Variants in ERN1 observed in about 807,000 individuals in gnomAD.
ERN1 encodes the protein serine/threonine-protein kinase/endoribonuclease IRE1.
A neutral mutation model predicts 113.1 loss-of-function variants in ERN1; 39 were observed. The ratio of observed to expected loss-of-function variants is 0.34; its 90% CI spans 0.27 to 0.45. The LOEUF is 0.45. Among genes scored for constraint, ERN1 ranks in the 20% least tolerant of loss-of-function variants. The probability of loss-of-function intolerance (pLI) is 1.00; values close to 1 mark genes in which losing one functional copy is unlikely to be tolerated. For missense variants in ERN1, 976 were observed against 1,274.8 expected, an observed-to-expected ratio of 0.77 and a Z score of 3.57; for synonymous variants, 507 against 515.9, an observed-to-expected ratio of 0.98 and a Z score of 0.23.
At position 64,073,334 on chromosome 17, in the gene ERN1, A is replaced by ATTTT. The variant is rs775654259; in HGVS notation, c.356-1232_356-1231insAAAA. On this transcript the variant is annotated intron_variant, in intron 5 of 21. Transcript: ENST00000433197. ...CAGGTGCGTGCCACCACACCCAGCA[A>ATTTT]ATTTTTTTTTTTTTTTTTTTTTAGT... Among the ~76,000 whole-genome samples the ATTTT allele has an allele frequency of 1.9e-4, 26 of 134,432 alleles. 3 individuals carry two copies. Among genetic ancestry groups the ATTTT allele is most frequent in the South Asian group, 7.1e-4 (3 of 4,216 alleles). The allele number at this position is 134,432 out of a possible 152,430, so 88.2% of individuals were successfully genotyped here.
In ERN1 at chr17:64,054,811, C is replaced by A. The variant is rs1912804230; in HGVS notation, c.1690G>T (p.Val564Leu). 6.2e-7 allele frequency: 1 copy of A among 1,608,454 alleles called. No individual in the cohort carries two copies. The highest frequency in any genetic ancestry group is 1.3e-5 in the African/African-American group (1 of 74,828). ...CAGAAGGAAATTTTCCCAACTATCA[C>A]CACGCTGGTTTCCTCATCTGGGACA... Reference protein sequence around the residue: ...QDDGDEETSVVIVGKISFCPK... With the variant: ...QDDGDEETSVLIVGKISFCPK... The change falls in exon 14 of 22, where the codon GTG (valine) becomes TTG (leucine). Residue 564 changes from valine to leucine, a missense_variant. By Grantham distance (32) the Val-to-Leu change is conservative. Coordinates refer to ENST00000433197, the MANE Select transcript of ERN1 (RefSeq NM_001433.5). This position sits in a 1 kb window ranked among gnomAD's most constrained non-coding sequence, Gnocchi z 4.9.
chr17:64,056,667 T>C (rs1285749964), intron 12 of ERN1, among the ~76,000 whole-genome samples: 1 of 152,220 alleles, frequency 6.6e-6, no homozygotes, highest in African/African-American at 2.4e-5. Context: ...TGAAGGGACT[T>C]CTGTGAGCCA....
In ERN1 at chr17:64,044,819, T is replaced by C. The variant is rs374579165; in HGVS notation, c.2721+41A>G. On this transcript the variant is annotated intron_variant, in intron 21 of 21. Coordinates refer to ENST00000433197, the MANE Select transcript of ERN1 (RefSeq NM_001433.5). The surrounding 1 kb of genome is among the most constrained non-coding windows in gnomAD (Gnocchi z 4.1). ...TGAAAGGAGGAAGGTGTCCATGTCA[T>C]GGCCACTGGGTCTCCTCCCCAGCAT... The C allele has an allele frequency of 8.5e-6, 11 of 1,296,296 alleles. No individual in the cohort carries two copies. In the African/African-American group the frequency reaches 1.3e-4, roughly 16 times the overall value. 80.3% of individuals were successfully genotyped at this position (1,296,296 alleles called of 1,614,324 possible). A position where few individuals can be genotyped will look rare whatever the true frequency, so the allele number is the denominator to read the frequency against.
intron 10 of ERN1, among the ~76,000 whole-genome samples, chr17:64,062,100 T>G (rs1390819161): frequency 6.6e-6 from 1 of 152,268 alleles, no homozygotes; most frequent in Admixed American, 6.5e-5. Flanking sequence ...CTCCTTGATG[T>G]ATTCATCTAT....
rs772404082 is a variant in ERN1 at position 64,068,227 on chromosome 17, G to A, written c.543C>T (p.Asp181=). Residue 181 remains aspartate, a synonymous_variant, in exon 7 of 22, where the codon GAC becomes GAT. Transcript: ENST00000433197. ...CGTCCTCAGGCAGTGAGGCCGCATA[G>A]TCAAAGTAGGTGGCATTCCACCGGA... ...RELRWNATYF[D]YAASLPEDDV... 5 of 1,612,400 alleles carry A rather than the reference G, an allele frequency of 3.1e-6. No homozygotes were observed. Among genetic ancestry groups the A allele is most frequent in the South Asian group, 1.1e-5 (1 of 90,614 alleles).
At chr17:64,107,967 T>C (rs1397703009) in intron 1 of ERN1, among the ~76,000 whole-genome samples, 1 of 152,180 alleles carries the variant, frequency 6.6e-6, no homozygotes, top group East Asian at 1.9e-4. Context: ...TTTCCTGATA[T>C]TAAGTCAATA....
At chr17:64,060,384 G>T in intron 11 of ERN1, 85 bp downstream of exon 11, 1 of 851,604 alleles carries the variant, frequency 1.2e-6, no homozygotes. Context: ...TAGGCTGCAA[G>T]CTCAGAAGGC....
intron 1 of ERN1, among the ~76,000 whole-genome samples, chr17:64,109,777 G>A (rs376132300): frequency 1.3e-5 from 2 of 152,326 alleles, no homozygotes; most frequent in East Asian, 1.9e-4. Context: ...ACACAGGACT[G>A]GAACCAAGGT....
chr17:64,053,233 C>A lies in ERN1; in HGVS notation c.2053+39G>T. The A allele has an allele frequency of 1.3e-6, 2 of 1,522,880 alleles. 1 individual carries two copies. The highest frequency in any genetic ancestry group is 3.9e-5 in the Admixed American group (2 of 51,446). 94.3% of individuals were successfully genotyped at this position (1,522,880 alleles called of 1,614,324 possible). On this transcript the variant is annotated intron_variant, in intron 16 of 21. Coordinates refer to ENST00000433197, the MANE Select transcript of ERN1 (RefSeq NM_001433.5). ...GCCCCACCTGGGCCACTGATTCTCC[C>A]CACCCGGGCCGCTGGCCTGGTAAAG...
rs763709525 is a variant in ERN1 at position 64,060,564 on chromosome 17, C to T, written c.1111G>A (p.Ala371Thr). Residue 371 changes from alanine to threonine, a missense_variant, in exon 11 of 22, where the codon GCG becomes ACG. Transcript: ENST00000433197. ...AATCTCTCCAGCATCTTGGTAGACG[C>T]AGACAGTGGGGTTTCATGGTGTCCT... The part of the protein sequence containing the change: ...LIGHHETPLS[A>T]STKMLERFPN... The T allele has an allele frequency of 1.2e-6, 2 of 1,613,674 alleles. No homozygotes were observed. The highest frequency in any genetic ancestry group is 1.7e-4 in the Middle Eastern group (1 of 6,060).
At chr17:64,096,309 G>A (rs776305696) in intron 2 of ERN1, among the ~76,000 whole-genome samples, 5 of 152,212 alleles carry the variant, frequency 3.3e-5, no homozygotes, top group African/African-American at 4.8e-5. Flanking sequence ...GAACCCTATT[G>A]TGTACTACGC....
intron 1 of ERN1, among the ~76,000 whole-genome samples, chr17:64,101,677 T>C (rs1230680105): frequency 6.6e-6 from 1 of 152,132 alleles, no homozygotes; most frequent in Admixed American, 6.6e-5. Context: ...CCTTTGATCA[T>C]TAATCTCCAC....
intron 1 of ERN1, among the ~76,000 whole-genome samples, chr17:64,113,309 T>C (rs924042537): frequency 6.6e-6 from 1 of 152,208 alleles, no homozygotes; most frequent in Non-Finnish European, 1.5e-5. Context: ...GTGGATATTT[T>C]AGGATGAGGT....
At chr17:64,116,053 T>C (rs965969632) in intron 1 of ERN1, among the ~76,000 whole-genome samples, 3 of 152,208 alleles carry the variant, frequency 2.0e-5, no homozygotes, top group African/African-American at 7.2e-5. Flanking sequence ...TATCTCAAAA[T>C]ATTGCAACAT....
intron 2 of ERN1, among the ~76,000 whole-genome samples, chr17:64,091,176 C>T (rs1038946463): frequency 2.0e-5 from 3 of 152,220 alleles, no homozygotes; most frequent in African/African-American, 4.8e-5. Flanking sequence ...GTTTCCATTG[C>T]ACTTCTGAAG....
At chr17:64,061,001 G>T (rs1483245065) in intron 10 of ERN1, among the ~76,000 whole-genome samples, 4 of 152,104 alleles carry the variant, frequency 2.6e-5, no homozygotes, top group Non-Finnish European at 5.9e-5. Flanking sequence ...TCCCATCTTG[G>T]TATTTAAATT....
chr17:64,051,597 A>C lies in ERN1; in HGVS notation c.2253+1183T>G, dbSNP rs1314761787. On this transcript the variant is annotated intron_variant, in intron 17 of 21. Coordinates refer to ENST00000433197, the MANE Select transcript of ERN1 (RefSeq NM_001433.5). ...TCAACGCTGTCATGAGGAAAAAAGC[A>C]AACAAACCAGAATGGGGCATCCTAT... 2.0e-5 allele frequency among the ~76,000 whole-genome samples: 3 copies of C among 152,354 alleles called. No homozygotes were observed. The East Asian group carries it at 5.8e-4, about 29-fold the overall frequency.
At chr17:64,121,802 C>T (rs1234210407) in intron 1 of ERN1, among the ~76,000 whole-genome samples, 1 of 152,118 alleles carries the variant, frequency 6.6e-6, no homozygotes, top group Non-Finnish European at 1.5e-5. Flanking sequence ...GGCTTTTAAT[C>T]CCTACTCTCT....
chr17:64,089,318 CAAAAAAAAAAAA>C (rs34094164), intron 2 of ERN1, among the ~76,000 whole-genome samples: 9 of 24,254 alleles, frequency 3.7e-4, no homozygotes, highest in African/African-American at 6.1e-4. Context: ...GAATCCATCT[CAAAAAAAAAAAA>C]AAAAAAAAAA....
Sources: allele counts gnomAD v4.1 joint callset (sites outside exome capture counted in the v4.1 genomes callset), GRCh38; gene constraint gnomAD v4.1.1; non-coding constraint Gnocchi (gnomAD v3.1); transcripts MANE v1.5; gene names NCBI Gene and HGNC (gene_info 2026-07-23, HGNC 2026-07-21).